Variants in KLRG2 observed in about 807,000 individuals in gnomAD.
The protein encoded by KLRG2 is killer cell lectin-like receptor subfamily G member 2.
In KLRG2, 39 loss-of-function variants were observed where a neutral mutation model predicts 35.4. That is an observed-to-expected ratio of 1.10 (90% confidence interval 0.85 to 1.44). The LOEUF (loss-of-function observed/expected upper bound fraction) is 1.44. Among genes scored for constraint, KLRG2 ranks in the 40% most tolerant of loss-of-function variants. The pLI, the probability that KLRG2 is intolerant of heterozygous loss-of-function variation, is 0.00. For synonymous variants in KLRG2, 283 were observed against 265.8 expected, an observed-to-expected ratio of 1.06 and a Z score of -0.63; for missense variants, 632 against 570.9, an observed-to-expected ratio of 1.11 and a Z score of -1.09.
chr7:139,430,256 G>A, the KLRG2 span, among the ~76,000 whole-genome samples: 2 of 152,204 alleles, frequency 1.3e-5, no homozygotes, highest in East Asian at 1.9e-4. Context: ...TACAAAATTA[G>A]CCAGGCGTGG....
At chr7:139,468,491 T>C (rs2116457385) in intron 3 of KLRG2, among the ~76,000 whole-genome samples, 1 of 152,284 alleles carries the variant, frequency 6.6e-6, no homozygotes, top group South Asian at 2.1e-4. Flanking sequence ...CCTCTTTGAC[T>C]GTAATTTTCC....
chr7:139,446,336 GTT>G, the KLRG2 span, among the ~76,000 whole-genome samples: 19,533 of 91,564 alleles, frequency 0.21, 1,799 homozygotes, highest in Middle Eastern at 0.43. Flanking sequence ...ATTTTCCAGG[GTT>G]TTTTTTTTTT....
At chr7:139,438,274 C>T in the KLRG2 span, among the ~76,000 whole-genome samples, 1 of 152,164 alleles carries the variant, frequency 6.6e-6, no homozygotes, top group South Asian at 2.1e-4. Flanking sequence ...CTTTGTCACC[C>T]AGACTAGAGT....
At chr7:139,447,020 G>T in the KLRG2 span, among the ~76,000 whole-genome samples, 135 of 143,468 alleles carry the variant, frequency 9.4e-4, no homozygotes, top group African/African-American at 3.8e-3. Flanking sequence ...CAGCTCTTTT[G>T]ACAGGACCTG....
chr7:139,468,019 A>G (rs1414834516), intron 3 of KLRG2, among the ~76,000 whole-genome samples: 1 of 152,132 alleles, frequency 6.6e-6, no homozygotes, highest in African/African-American at 2.4e-5. Flanking sequence ...GGGCAGCAAC[A>G]CTGCTCTTTA....
At chr7:139,468,184 A>T (rs1421421567) in intron 3 of KLRG2, among the ~76,000 whole-genome samples, 1 of 151,968 alleles carries the variant, frequency 6.6e-6, no homozygotes, top group Non-Finnish European at 1.5e-5. Context: ...TCCGAGAAAC[A>T]CCCAAGAATG....
chr7:139,481,562 C>T (rs1245667191), intron 1 of KLRG2, among the ~76,000 whole-genome samples: 1 of 152,164 alleles, frequency 6.6e-6, no homozygotes. Flanking sequence ...CCCTCCTGGC[C>T]GTTGCTCCTT....
At chr7:139,473,723 T>C (rs1468961188) in intron 3 of KLRG2, among the ~76,000 whole-genome samples, 3 of 152,208 alleles carry the variant, frequency 2.0e-5, no homozygotes, top group African/African-American at 7.2e-5. Flanking sequence ...CCTGTAATCC[T>C]AGCACTTTGG....
chr7:139,459,813 G>A (rs1032932108), intron 3 of KLRG2, among the ~76,000 whole-genome samples: 13 of 151,842 alleles, frequency 8.6e-5, no homozygotes, highest in Admixed American at 6.6e-5. Flanking sequence ...GTGCAGTGGT[G>A]CAATCTCAGC....
At chr7:139,467,554 T>C (rs1052530819) in intron 3 of KLRG2, among the ~76,000 whole-genome samples, 1 of 152,114 alleles carries the variant, frequency 6.6e-6, no homozygotes, top group Non-Finnish European at 1.5e-5. Context: ...CCGTGCTCTC[T>C]GAAACATGTG....
chr7:139,481,882 G>A (rs1796966381), intron 1 of KLRG2, among the ~76,000 whole-genome samples: 1 of 151,828 alleles, frequency 6.6e-6, no homozygotes, highest in African/African-American at 2.4e-5. Flanking sequence ...AGCCGAGATT[G>A]TGCCATTGCA....
the KLRG2 span, among the ~76,000 whole-genome samples, chr7:139,438,886 G>A: frequency 1.3e-5 from 2 of 151,428 alleles, no homozygotes; most frequent in Admixed American, 1.3e-4. Flanking sequence ...CATTGGTCAG[G>A]CTGGTCTCAA....
the KLRG2 span, among the ~76,000 whole-genome samples, chr7:139,428,406 C>G: frequency 3.9e-5 from 6 of 151,944 alleles, no homozygotes; most frequent in African/African-American, 1.5e-4. Context: ...TCCCACTCAG[C>G]TAATTTTTTA....
chr7:139,445,858 T>G, the KLRG2 span, among the ~76,000 whole-genome samples: 1 of 148,778 alleles, frequency 6.7e-6, no homozygotes, highest in African/African-American at 2.6e-5. Flanking sequence ...TGAGACGGAG[T>G]TTCACTCTTA....
At chr7:139,478,117 C>T (rs190767633) in intron 3 of KLRG2, among the ~76,000 whole-genome samples, 2 of 151,232 alleles carry the variant, frequency 1.3e-5, no homozygotes. Flanking sequence ...ACCTGTAATC[C>T]CAGCACTTTG....
At chr7:139,439,519 C>A in the KLRG2 span, among the ~76,000 whole-genome samples, 4,600 of 152,286 alleles carry the variant, frequency 0.03, 89 homozygotes, top group South Asian at 0.066. Flanking sequence ...GCATGATCTG[C>A]TTCGGCTGTT....
intron 3 of KLRG2, among the ~76,000 whole-genome samples, chr7:139,473,616 A>G (rs1796798558): frequency 6.6e-6 from 1 of 152,220 alleles, no homozygotes; most frequent in South Asian, 2.1e-4. Flanking sequence ...CACACAAAAA[A>G]TCAGAGCTAA....
chr7:139,479,927 C>A (rs1796925867), intron 2 of KLRG2, among the ~76,000 whole-genome samples, 155 bp from the exon 3 acceptor site: 1 of 152,196 alleles, frequency 6.6e-6, no homozygotes. Context: ...GCACAAAGTC[C>A]CCGGGGTGGC....
intron 3 of KLRG2, among the ~76,000 whole-genome samples, chr7:139,473,883 G>A (rs10260811): frequency 1.3e-5 from 2 of 151,956 alleles, no homozygotes; most frequent in Admixed American, 1.3e-4. Context: ...AAATGTAAAT[G>A]AAGAAGAAAA....
Sources: allele counts gnomAD v4.1 joint callset (sites outside exome capture counted in the v4.1 genomes callset), GRCh38; gene constraint gnomAD v4.1.1; transcripts MANE v1.5; gene names NCBI Gene and HGNC (gene_info 2026-07-23, HGNC 2026-07-21).